Variants in PRMT8 observed in about 807,000 individuals in gnomAD.
PRMT8 encodes protein arginine methyltransferase 8.
In PRMT8, 7 loss-of-function variants were observed where a neutral mutation model predicts 47.1. The observed-to-expected ratio is 0.15, with a 90% CI of 0.08 to 0.28. The LOEUF (loss-of-function observed/expected upper bound fraction) is 0.28, where lower values mean the gene tolerates loss of function less well. Among genes scored for constraint, PRMT8 ranks in the 10% least tolerant of loss-of-function variants. PRMT8 has a pLI of 1.00. For missense variants in PRMT8, 237 were observed against 505.4 expected, an observed-to-expected ratio of 0.47 and a Z score of 5.09; for synonymous variants, 188 against 186.5, an observed-to-expected ratio of 1.01 and a Z score of -0.07.
chr12:3,523,934 C>A (rs915318441), intron 1 of PRMT8, among the ~76,000 whole-genome samples: 7 of 152,224 alleles, frequency 4.6e-5, no homozygotes, highest in African/African-American at 1.7e-4. Context: ...TACACACATC[C>A]TAAACGTTAC....
In PRMT8 at chr12:3,570,716, C is replaced by G. The variant is rs558742838; in HGVS notation, c.712+1152C>G. 6.6e-6 allele frequency among the ~76,000 whole-genome samples: 1 copy of G among 152,182 alleles called. No individual in the cohort carries two copies. The highest frequency in any genetic ancestry group is 1.5e-5 in the Non-Finnish European group (1 of 68,040). ...ATGTGTGTATTTGTGTGGGTTCATG[C>G]CTTTCTGGAAATATAAACTCAAAGT... On this transcript the variant is annotated intron_variant, in intron 6 of 9. Coordinates refer to ENST00000382622, the MANE Select transcript of PRMT8 (RefSeq NM_019854.5). This position sits in a 1 kb window ranked among gnomAD's most constrained non-coding sequence, Gnocchi z 5.5.
intron 1 of PRMT8, among the ~76,000 whole-genome samples, chr12:3,397,497 G>A (rs965098604): frequency 6.6e-6 from 1 of 150,836 alleles, no homozygotes; most frequent in Non-Finnish European, 1.5e-5. Flanking sequence ...GCCCCTGCTG[G>A]GGGGTGCCTC....
intron 1 of PRMT8, among the ~76,000 whole-genome samples, chr12:3,393,042 C>T (rs571784429): frequency 1.1e-3 from 161 of 152,248 alleles, no homozygotes; most frequent in African/African-American, 3.7e-3. Flanking sequence ...GTCCTTCACC[C>T]ACTTTTTGAT....
In PRMT8 at chr12:3,566,693, T is replaced by A. The variant is rs796339291; in HGVS notation, c.482-2013T>A. 3.3e-4 allele frequency among the ~76,000 whole-genome samples: 51 copies of A among 152,354 alleles called. No homozygotes were observed. The highest frequency in any genetic ancestry group is 1.2e-3 in the African/African-American group (50 of 41,590). The stretch of plus-strand genomic sequence containing the variant: ...TGCCATCCAGGAGCCTCAGTCCAAA[T>A]TAATTTTCATGAAACTCAGATTCTA... On this transcript the variant is annotated intron_variant, in intron 4 of 9. Coordinates refer to ENST00000382622, the MANE Select transcript of PRMT8 (RefSeq NM_019854.5). The surrounding 1 kb of genome is among the most constrained non-coding windows in gnomAD (Gnocchi z 4.7).
intron 1 of PRMT8, among the ~76,000 whole-genome samples, chr12:3,391,108 G>T (rs1278243310): frequency 6.6e-6 from 1 of 152,128 alleles, no homozygotes. Context: ...ATCTCCTATA[G>T]CATGCACTCA....
At chr12:3,444,712 T>A (rs1362699720) in intron 1 of PRMT8, among the ~76,000 whole-genome samples, 1 of 152,220 alleles carries the variant, frequency 6.6e-6, no homozygotes, top group Non-Finnish European at 1.5e-5. Context: ...CTGGGCATCG[T>A]GGAGCAAGAG....
intron 2 of PRMT8, among the ~76,000 whole-genome samples, chr12:3,549,525 C>G (rs1236522467): frequency 6.7e-6 from 1 of 149,286 alleles, no homozygotes; most frequent in Non-Finnish European, 1.5e-5. Flanking sequence ...AAAAGGCAAA[C>G]AAAACAAAAT....
intron 1 of PRMT8, among the ~76,000 whole-genome samples, chr12:3,422,134 T>A (rs1804108533): frequency 6.6e-6 from 1 of 152,266 alleles, no homozygotes; most frequent in East Asian, 1.9e-4. Flanking sequence ...CCTTCAGCTC[T>A]TTGGGCCTCA....
chr12:3,456,821 C>G lies in PRMT8; in HGVS notation c.48+75379C>G, dbSNP rs1864978429. 6.6e-6 allele frequency among the ~76,000 whole-genome samples: 1 copy of G among 152,188 alleles called. No individual in the cohort carries two copies. Among genetic ancestry groups the G allele is most frequent in the Non-Finnish European group, 1.5e-5 (1 of 68,046 alleles). ...GTCACCAAACAAAGAGAATCGAACC[C>G]CTCTAGCCAGGAAAGCAGATCAACA... On this transcript the variant is annotated intron_variant, in intron 1 of 9. Transcript: ENST00000452611. This position sits in a 1 kb window ranked among gnomAD's most constrained non-coding sequence, Gnocchi z 4.2.
chr12:3,565,133 T>C (rs1422166478), intron 4 of PRMT8, among the ~76,000 whole-genome samples: 1 of 152,252 alleles, frequency 6.6e-6, no homozygotes, highest in African/African-American at 2.4e-5. Context: ...CACCATCTTT[T>C]TTTATTGATG....
intron 1 of PRMT8, among the ~76,000 whole-genome samples, chr12:3,524,158 A>C (rs1865920077): frequency 2.0e-5 from 3 of 152,240 alleles, no homozygotes. Flanking sequence ...AAATTTAATA[A>C]GTTCTTTTAA....
chr12:3,438,684 T>C (rs536078456), intron 1 of PRMT8, among the ~76,000 whole-genome samples: 112 of 152,320 alleles, frequency 7.4e-4, no homozygotes, highest in Admixed American at 1.6e-3. Flanking sequence ...GGTTTACTTA[T>C]CTATGCACTC....
intron 1 of PRMT8, among the ~76,000 whole-genome samples, chr12:3,383,553 C>A (rs536083364): frequency 6.6e-6 from 1 of 152,248 alleles, no homozygotes; most frequent in South Asian, 2.1e-4. Flanking sequence ...AGATTAGTGC[C>A]CTTATGAAAG....
rs774468601 is a variant in PRMT8, at chr12:3,593,592, G to A, written c.*410G>A. ...ATAGCATCTTTGATAGCATAAGCCA[G>A]ATTATCTGTGTGTGCGGTGGTGTGC... On this transcript the variant is annotated 3_prime_UTR_variant, in exon 10 of 10. Coordinates refer to ENST00000382622, the MANE Select transcript of PRMT8 (RefSeq NM_019854.5). This position sits in a 1 kb window ranked among gnomAD's most constrained non-coding sequence, Gnocchi z 4.8. 4.2e-5 allele frequency: 10 copies of A among 238,192 alleles called. No individual in the cohort carries two copies. Among genetic ancestry groups the A allele is most frequent in the Admixed American group, 1.6e-4 (3 of 18,514 alleles). 14.8% of individuals were successfully genotyped at this position (238,192 alleles called of 1,614,324 possible). A position where few individuals can be genotyped will look rare whatever the true frequency, so the allele number is the denominator to read the frequency against.
intron 1 of PRMT8, among the ~76,000 whole-genome samples, chr12:3,387,447 G>A (rs759314415): frequency 6.6e-6 from 1 of 152,142 alleles, no homozygotes; most frequent in Non-Finnish European, 1.5e-5. Flanking sequence ...TTCACATATG[G>A]CTCTGATGTC....
chr12:3,477,666 C>T (rs1865228525), intron 1 of PRMT8, among the ~76,000 whole-genome samples: 1 of 152,218 alleles, frequency 6.6e-6, no homozygotes, highest in Admixed American at 6.5e-5. Context: ...TTGAATATCT[C>T]TCAACCTTTT....
chr12:3,549,918 C>A lies in PRMT8; in HGVS notation c.262-18C>A. On this transcript the variant is annotated intron_variant, in intron 2 of 9. Coordinates refer to ENST00000382622, the MANE Select transcript of PRMT8 (RefSeq NM_019854.5). ...TCTTGAATTCACTGACATTTCCTTT[C>A]TTTTCCCTCCATCACAGGAAATGCT... 6.2e-7 allele frequency: 1 copy of A among 1,611,710 alleles called. No homozygotes were observed. Among genetic ancestry groups the A allele is most frequent in the Middle Eastern group, 1.7e-4 (1 of 6,058 alleles).
chr12:3,524,307 C>A (rs915204206), intron 1 of PRMT8, among the ~76,000 whole-genome samples: 2 of 152,094 alleles, frequency 1.3e-5, no homozygotes, highest in African/African-American at 2.4e-5. Flanking sequence ...AAGGAAACAA[C>A]GCATACAGTG....
In PRMT8 at chr12:3,593,125, G is replaced by A. The variant is rs1867347691; in HGVS notation, c.1128G>A (p.Leu376=). The A allele has an allele frequency of 8.7e-6, 14 of 1,614,102 alleles. No individual in the cohort carries two copies. The highest frequency in any genetic ancestry group is 1.2e-5 in the Non-Finnish European group (14 of 1,180,002). ...GAGACCTCGATTTCACAGTAGACTTGGATTTTAAGGGACAGCTGTGTGAAA... is the reference window on the plus strand; with the variant it reads ...GAGACCTCGATTTCACAGTAGACTTAGATTTTAAGGGACAGCTGTGTGAAA... The part of the protein sequence containing the change: ...NVRDLDFTVD[L]DFKGQLCETS... The change falls in exon 10 of 10, where the codon TTG becomes TTA. Residue 376 remains leucine (L), a synonymous_variant. Coordinates refer to ENST00000382622, the MANE Select transcript of PRMT8 (RefSeq NM_019854.5). This position sits in a 1 kb window ranked among gnomAD's most constrained non-coding sequence, Gnocchi z 4.8.
Sources: allele counts gnomAD v4.1 joint callset (sites outside exome capture counted in the v4.1 genomes callset), GRCh38; gene constraint gnomAD v4.1.1; non-coding constraint Gnocchi (gnomAD v3.1); transcripts MANE v1.5; gene names NCBI Gene and HGNC (gene_info 2026-07-23, HGNC 2026-07-21).